The following LRRC4C variants were observed in gnomAD, a reference collection of about 807,000 sequenced individuals.
The protein encoded by LRRC4C is leucine rich repeat containing 4C, also known as leucine-rich repeat-containing protein 4C.
In LRRC4C, 5 loss-of-function variants were observed where a neutral mutation model predicts 33.6. The observed-to-expected ratio is 0.15, with a 90% CI of 0.08 to 0.31. LRRC4C has a LOEUF of 0.31. Among genes scored for constraint, LRRC4C ranks in the 10% least tolerant of loss-of-function variants. The pLI, the probability that LRRC4C is intolerant of heterozygous loss-of-function variation, is 1.00. For missense variants in LRRC4C, 560 were observed against 796.7 expected, an observed-to-expected ratio of 0.70 and a Z score of 3.58; for synonymous variants, 329 against 302.0, an observed-to-expected ratio of 1.09 and a Z score of -0.93.
At chr11:40,336,334 A>C (rs974940861) in intron 3 of LRRC4C, among the ~76,000 whole-genome samples, 1 of 152,018 alleles carries the variant, frequency 6.6e-6, no homozygotes, top group Non-Finnish European at 1.5e-5. Flanking sequence ...AGTGATGTGC[A>C]CTATTTTGGG....
At chr11:40,954,179 G>A (rs555780264) in intron 1 of LRRC4C, among the ~76,000 whole-genome samples, 79 of 151,852 alleles carry the variant, frequency 5.2e-4, no homozygotes, top group East Asian at 1.4e-3. Context: ...CTATGCATCC[G>A]CTGGCACCAA....
chr11:40,613,093 G>A (rs1053666452), intron 3 of LRRC4C, among the ~76,000 whole-genome samples: 1 of 151,806 alleles, frequency 6.6e-6, no homozygotes, highest in Admixed American at 6.6e-5. Flanking sequence ...TGACTAATCA[G>A]GATTGTGGTG....
At chr11:40,711,488 T>C (rs542501206) in intron 2 of LRRC4C, among the ~76,000 whole-genome samples, 3 of 152,274 alleles carry the variant, frequency 2.0e-5, no homozygotes, top group South Asian at 4.1e-4. Context: ...ATAATTCAGG[T>C]TATGGTAGAG....
intron 3 of LRRC4C, among the ~76,000 whole-genome samples, chr11:40,632,905 T>C (rs1242393265): frequency 6.6e-6 from 1 of 152,184 alleles, no homozygotes; most frequent in Non-Finnish European, 1.5e-5. Flanking sequence ...ACAAATGTTA[T>C]GCAGCAGATA....
At chr11:40,704,094 A>G (rs1946021606) in intron 2 of LRRC4C, among the ~76,000 whole-genome samples, 1 of 152,198 alleles carries the variant, frequency 6.6e-6, no homozygotes, top group Non-Finnish European at 1.5e-5. Flanking sequence ...AAAATAATAC[A>G]AATAAAAAAT....
chr11:40,440,779 C>T (rs185746904), intron 3 of LRRC4C, among the ~76,000 whole-genome samples: 2 of 152,206 alleles, frequency 1.3e-5, no homozygotes, highest in Admixed American at 6.5e-5. Flanking sequence ...TCCTGTACAA[C>T]GCAGCCAACA....
chr11:40,170,059 C>T (rs4623893), intron 5 of LRRC4C, among the ~76,000 whole-genome samples: 126,047 of 152,086 alleles, frequency 0.83, 52,657 homozygotes, highest in Middle Eastern at 0.88. Flanking sequence ...AAGCACAAAT[C>T]TGTGATGTTA....
At chr11:40,200,079 G>A (rs956272002) in intron 5 of LRRC4C, among the ~76,000 whole-genome samples, 78 of 149,978 alleles carry the variant, frequency 5.2e-4, no homozygotes, top group Admixed American at 1.6e-3. Context: ...ACTGTGGCTC[G>A]TGCCTGTAAT....
At chr11:40,911,470 C>T (rs527740703) in intron 2 of LRRC4C, among the ~76,000 whole-genome samples, 30 of 152,276 alleles carry the variant, frequency 2.0e-4, no homozygotes, top group African/African-American at 6.7e-4. Context: ...CTCCAACAGA[C>T]CTACAGCTGA....
chr11:40,735,386 C>T (rs1051385753), intron 2 of LRRC4C, among the ~76,000 whole-genome samples: 50 of 145,918 alleles, frequency 3.4e-4, no homozygotes, highest in African/African-American at 1.0e-3. Flanking sequence ...TGTTCAATTC[C>T]GACCTATGAG....
At chr11:41,162,635 T>A (rs1944524262) in intron 1 of LRRC4C, among the ~76,000 whole-genome samples, 1 of 152,284 alleles carries the variant, frequency 6.6e-6, no homozygotes, top group Admixed American at 6.5e-5. Flanking sequence ...ACAATGGCAA[T>A]TATTTGTGTA....
intron 5 of LRRC4C, among the ~76,000 whole-genome samples, chr11:40,141,514 A>C (rs1249149502): frequency 6.6e-6 from 1 of 152,218 alleles, no homozygotes; most frequent in East Asian, 1.9e-4. Flanking sequence ...AACTTGCTGT[A>C]ATTCCAACAA....
intron 1 of LRRC4C, among the ~76,000 whole-genome samples, chr11:41,331,750 G>C (rs951280456): frequency 6.6e-6 from 1 of 152,114 alleles, no homozygotes; most frequent in African/African-American, 2.4e-5. Context: ...TCAAACGCAG[G>C]ATGAAATACA....
chr11:41,260,577 T>C (rs1231737679), intron 1 of LRRC4C, among the ~76,000 whole-genome samples: 2 of 151,848 alleles, frequency 1.3e-5, no homozygotes, highest in African/African-American at 2.4e-5. Context: ...GGAAAAAATA[T>C]ATATAATGTG....
intron 2 of LRRC4C, among the ~76,000 whole-genome samples, chr11:40,723,870 T>C (rs2136704434): frequency 6.6e-6 from 1 of 152,250 alleles, no homozygotes; most frequent in African/African-American, 2.4e-5. Flanking sequence ...GACCCATCTC[T>C]CATGTAATGA....
intron 1 of LRRC4C, among the ~76,000 whole-genome samples, chr11:41,030,886 G>C (rs1487185294): frequency 6.6e-6 from 1 of 151,458 alleles, no homozygotes; most frequent in Non-Finnish European, 1.5e-5. Flanking sequence ...TTATATATGA[G>C]GCCAGCTATT....
intron 2 of LRRC4C, among the ~76,000 whole-genome samples, chr11:40,904,280 T>C (rs1956327448): frequency 6.6e-6 from 1 of 152,132 alleles, no homozygotes; most frequent in Non-Finnish European, 1.5e-5. Flanking sequence ...CCCAGAGAAG[T>C]CGTAGGTCAC....
intron 3 of LRRC4C, among the ~76,000 whole-genome samples, chr11:40,592,383 C>A (rs1959099574): frequency 6.6e-6 from 1 of 152,116 alleles, no homozygotes; most frequent in Admixed American, 6.5e-5. Context: ...CCTGGAGTTT[C>A]TAATAAATAG....
intron 1 of LRRC4C, among the ~76,000 whole-genome samples, chr11:41,389,250 T>A (rs1464883755): frequency 2.0e-5 from 3 of 151,718 alleles, no homozygotes; most frequent in Non-Finnish European, 4.4e-5. Context: ...AATGCTGTGG[T>A]GTAAGTACCC....
Sources: gnomAD v4.1 joint callset for allele counts (sites outside exome capture counted in the v4.1 genomes callset) on GRCh38, gnomAD v4.1.1 for gene constraint, MANE v1.5 for transcripts, NCBI Gene and HGNC (gene_info 2026-07-23, HGNC 2026-07-21) for gene names.